Variants in ZMAT4 observed in about 807,000 individuals in gnomAD.
The protein encoded by ZMAT4 is zinc finger matrin-type 4.
ZMAT4 carries 17 observed loss-of-function variants against 28.7 expected under a neutral mutation model. That is an observed-to-expected ratio of 0.59 (90% CI 0.41 to 0.89). ZMAT4 has a LOEUF of 0.89. ZMAT4 is among the 40% of genes least tolerant of loss of function. ZMAT4 has a pLI of 0.00. For missense variants in ZMAT4, 240 were observed against 283.8 expected, an observed-to-expected ratio of 0.85 and a Z score of 1.11; for synonymous variants, 117 against 109.2, an observed-to-expected ratio of 1.07 and a Z score of -0.44.
chr8:40,846,818 G>A (rs943908213), intron 1 of ZMAT4, among the ~76,000 whole-genome samples: 19 of 152,276 alleles, frequency 1.2e-4, no homozygotes, highest in Admixed American at 1.2e-3. Flanking sequence ...AGGAGTTCAG[G>A]TAGGTCATCA....
intron 1 of ZMAT4, among the ~76,000 whole-genome samples, chr8:40,845,593 A>T (rs1268280080): frequency 1.3e-5 from 2 of 151,996 alleles, no homozygotes; most frequent in Admixed American, 1.3e-4. Context: ...TAATCTAACT[A>T]CAGGCAAGAC....
At chr8:40,786,858 G>T in intron 2 of ZMAT4, 1 of 578,490 alleles carries the variant, frequency 1.7e-6, no homozygotes, top group Non-Finnish European at 2.8e-6. Flanking sequence ...GCTGTTCTAG[G>T]CCCACAAAGA....
intron 3 of ZMAT4, among the ~76,000 whole-genome samples, chr8:40,756,446 A>G (rs1812690622): frequency 7.8e-6 from 1 of 127,492 alleles, no homozygotes; most frequent in Non-Finnish European, 1.7e-5. Context: ...ATATATATAT[A>G]TATATATATA....
chr8:40,543,139 C>G (rs1374509146), intron 6 of ZMAT4, among the ~76,000 whole-genome samples: 1 of 152,080 alleles, frequency 6.6e-6, no homozygotes, highest in African/African-American at 2.4e-5. Flanking sequence ...CCATCCAGCA[C>G]CCAGCTACAA....
intron 2 of ZMAT4, among the ~76,000 whole-genome samples, chr8:40,787,586 C>T (rs983828949): frequency 1.3e-5 from 2 of 152,212 alleles, no homozygotes; most frequent in Non-Finnish European, 2.9e-5. Context: ...TACAGCTTCT[C>T]TTTGGCATAT....
chr8:40,601,473 GAAA>G (rs1805320549), intron 5 of ZMAT4, among the ~76,000 whole-genome samples: 3 of 76,990 alleles, frequency 3.9e-5, no homozygotes, highest in Non-Finnish European at 2.9e-5. Flanking sequence ...AGAAAGGAAA[GAAA>G]GAAAGAAAGA....
intron 3 of ZMAT4, among the ~76,000 whole-genome samples, chr8:40,742,484 G>A (rs1427508635): frequency 2.0e-5 from 3 of 151,920 alleles, no homozygotes; most frequent in East Asian, 3.8e-4. Context: ...TGTCTTAGGA[G>A]AGGGATTTTA....
At chr8:40,647,962 C>T (rs1450803036) in intron 5 of ZMAT4, among the ~76,000 whole-genome samples, 1 of 152,132 alleles carries the variant, frequency 6.6e-6, no homozygotes, top group Non-Finnish European at 1.5e-5. Context: ...GATAAAACCA[C>T]AAAGATGGGG....
At chr8:40,623,012 C>T (rs1278243921) in intron 5 of ZMAT4, among the ~76,000 whole-genome samples, 1 of 152,156 alleles carries the variant, frequency 6.6e-6, no homozygotes, top group Non-Finnish European at 1.5e-5. Context: ...TTTGGCAAAG[C>T]TTTATCACCT....
At chr8:40,716,745 C>T (rs182477950) in intron 3 of ZMAT4, among the ~76,000 whole-genome samples, 55 of 152,242 alleles carry the variant, frequency 3.6e-4, no homozygotes, top group African/African-American at 1.3e-3. Flanking sequence ...CCAAATGTCT[C>T]GCCCTCTAGC....
At chr8:40,698,828 C>T (rs4737166) in intron 3 of ZMAT4, among the ~76,000 whole-genome samples, 6,873 of 151,850 alleles carry the variant, frequency 0.045, 291 homozygotes, top group East Asian at 0.24. Flanking sequence ...CAGGGAGAGA[C>T]TTCAAACATT....
At chr8:40,749,888 A>G (rs951297947) in intron 3 of ZMAT4, among the ~76,000 whole-genome samples, 1 of 152,246 alleles carries the variant, frequency 6.6e-6, no homozygotes, top group Admixed American at 6.5e-5. Flanking sequence ...GCACACAGCA[A>G]TGCTTACATG....
At chr8:40,548,262 A>G (rs555907946) in intron 6 of ZMAT4, among the ~76,000 whole-genome samples, 1 of 152,278 alleles carries the variant, frequency 6.6e-6, no homozygotes, top group South Asian at 2.1e-4. Flanking sequence ...TGGTTTGATC[A>G]TTAAAGATTT....
intron 2 of ZMAT4, among the ~76,000 whole-genome samples, chr8:40,823,732 T>C (rs949834796): frequency 1.3e-5 from 2 of 151,898 alleles, no homozygotes; most frequent in African/African-American, 4.8e-5. Flanking sequence ...TGTGTGTTTA[T>C]GAAGCCATAG....
chr8:40,617,132 TTAAAG>T (rs1213033452), intron 5 of ZMAT4, among the ~76,000 whole-genome samples: 3 of 152,158 alleles, frequency 2.0e-5, no homozygotes, highest in South Asian at 2.1e-4. Flanking sequence ...CACAAGGGTC[TTAAAG>T]TAAAGTAAAG....
intron 3 of ZMAT4, among the ~76,000 whole-genome samples, chr8:40,699,512 T>C (rs1380944092): frequency 2.6e-5 from 4 of 152,166 alleles, no homozygotes; most frequent in Non-Finnish European, 4.4e-5. Context: ...CTCTTATGTT[T>C]ATTGCAGCAC....
intron 1 of ZMAT4, among the ~76,000 whole-genome samples, chr8:40,891,592 C>T (rs561212344): frequency 6.6e-6 from 1 of 152,096 alleles, no homozygotes; most frequent in Non-Finnish European, 1.5e-5. Context: ...CTTGTCTCAG[C>T]CAATCCCTGG....
chr8:40,847,214 C>CAAAAAAAAAAAAAAAAAAAA (rs372935416), intron 1 of ZMAT4, among the ~76,000 whole-genome samples: 1 of 99,588 alleles, frequency 1.0e-5, no homozygotes. Flanking sequence ...AAAAAACAAA[C>CAAAAAAAAAAAAAAAAAAAA]AAACAAAAAA....
Position 40,601,457 on chromosome 8 carries a change from G to GAA in ZMAT4, c.578-20197_578-20196insTT, listed in dbSNP as rs1491059228. ...GGAAGGAAGGAAGGAAGGAAGGAAG[G>GAA]GAGGAAGAAAGGAAAGAAAGAAAGA... is the stretch of plus-strand genomic sequence containing the variant. On this transcript the variant is annotated intron_variant, in intron 5 of 6. Coordinates refer to ENST00000297737, the MANE Select transcript of ZMAT4 (RefSeq NM_024645.3). Among the ~76,000 whole-genome samples, 95 of 40,768 alleles carry GAA rather than the reference G, an allele frequency of 2.3e-3. 6 individuals carry two copies. Among genetic ancestry groups the GAA allele is most frequent in the African/African-American group, 8.8e-3 (81 of 9,194 alleles). 26.7% of individuals were successfully genotyped at this position (40,768 alleles called of 152,430 possible). A position where few individuals can be genotyped will look rare whatever the true frequency, so the allele number is the denominator to read the frequency against.
Sources: gnomAD v4.1 joint callset for allele counts (sites outside exome capture counted in the v4.1 genomes callset) on GRCh38, gnomAD v4.1.1 for gene constraint, MANE v1.5 for transcripts, NCBI Gene and HGNC (gene_info 2026-07-23, HGNC 2026-07-21) for gene names.